Variants in SPOCK3 observed in about 807,000 individuals in gnomAD.
SPOCK3 encodes testican-3.
Under a neutral mutation model 56.6 loss-of-function variants are expected in SPOCK3, and 30 were observed. The observed-to-expected ratio is 0.53, with a 90% confidence interval of 0.40 to 0.72. The LOEUF (loss-of-function observed/expected upper bound fraction) is 0.72. SPOCK3 is among the 30% of genes least tolerant of loss of function. The pLI is 0.00. For missense variants in SPOCK3, 527 were observed against 530.0 expected (o/e 0.99, Z 0.06); for synonymous variants, 196 against 183.3 (o/e 1.07, Z -0.56).
intron 7 of SPOCK3, among the ~76,000 whole-genome samples, chr4:166,765,397 G>C (rs78750833): frequency 0.33 from 50,141 of 151,846 alleles, 8,441 homozygotes; most frequent in Admixed American, 0.42. Flanking sequence ...TTTCAGCTTT[G>C]TACATATGGC....
intron 4 of SPOCK3, among the ~76,000 whole-genome samples, chr4:166,952,277 T>A (rs369120241): frequency 1.3e-5 from 2 of 152,122 alleles, no homozygotes; most frequent in Non-Finnish European, 2.9e-5. Flanking sequence ...CAAGCATTCT[T>A]ATACACCAAT....
intron 2 of SPOCK3, among the ~76,000 whole-genome samples, chr4:167,082,287 A>C (rs550117755): frequency 2.6e-4 from 39 of 152,202 alleles, no homozygotes; most frequent in Admixed American, 7.2e-4. Context: ...AAAAAGTGTG[A>C]GCCTCAAACC....
At chr4:166,959,526 T>C (rs1197848727) in intron 4 of SPOCK3, among the ~76,000 whole-genome samples, 1 of 151,862 alleles carries the variant, frequency 6.6e-6, no homozygotes, top group Non-Finnish European at 1.5e-5. Flanking sequence ...GGCAGGAGAA[T>C]TGTTGAACCC....
intron 6 of SPOCK3, among the ~76,000 whole-genome samples, chr4:166,860,927 T>C (rs905237487): frequency 4.6e-5 from 7 of 150,944 alleles, no homozygotes; most frequent in Non-Finnish European, 1.0e-4. Context: ...CTGGGAACAC[T>C]ATAACGTCTG....
intron 6 of SPOCK3, among the ~76,000 whole-genome samples, chr4:166,797,233 CTTT>C (rs1028695610): frequency 3.7e-5 from 3 of 80,746 alleles, no homozygotes; most frequent in South Asian, 4.3e-4. Context: ...TTCCACCTTT[CTTT>C]TTTTTTTTTT....
At chr4:166,763,043 C>T (rs1737463011) in intron 7 of SPOCK3, among the ~76,000 whole-genome samples, 1 of 151,678 alleles carries the variant, frequency 6.6e-6, no homozygotes, top group Admixed American at 6.6e-5. Context: ...AATGCAGATA[C>T]ACAAAGTACA....
At chr4:167,204,762 T>G (rs1439377763) in intron 2 of SPOCK3, among the ~76,000 whole-genome samples, 1 of 151,988 alleles carries the variant, frequency 6.6e-6, no homozygotes, top group African/African-American at 2.4e-5. Context: ...AGTCACTGTT[T>G]TTTTTCGGGG....
intron 4 of SPOCK3, among the ~76,000 whole-genome samples, chr4:166,966,074 T>C (rs1482580476): frequency 6.6e-6 from 1 of 152,094 alleles, no homozygotes; most frequent in Non-Finnish European, 1.5e-5. Flanking sequence ...CAGAATGTCA[T>C]ATAGTTGGAA....
chr4:167,109,113 AATATATATAAATAT>A (rs1760544074), intron 2 of SPOCK3, among the ~76,000 whole-genome samples: 1 of 36,088 alleles, frequency 2.8e-5, no homozygotes, highest in African/African-American at 9.7e-5. Flanking sequence ...TTTATATAAA[AATATATATAAATAT>A]TATATATTTA....
chr4:166,940,353 G>A (rs550332620), intron 4 of SPOCK3, among the ~76,000 whole-genome samples: 2 of 152,154 alleles, frequency 1.3e-5, no homozygotes, highest in East Asian at 1.9e-4. Flanking sequence ...ACCGAAGTCC[G>A]CGACAGAGAA....
At chr4:166,992,228 G>T (rs1747868818) in intron 4 of SPOCK3, among the ~76,000 whole-genome samples, 1 of 152,056 alleles carries the variant, frequency 6.6e-6, no homozygotes, top group African/African-American at 2.4e-5. Flanking sequence ...GAACTGAGTG[G>T]TCTGCGGAGG....
At chr4:166,978,287 A>G (rs1237202558) in intron 4 of SPOCK3, among the ~76,000 whole-genome samples, 5 of 152,136 alleles carry the variant, frequency 3.3e-5, no homozygotes, top group Non-Finnish European at 7.4e-5. Flanking sequence ...CCTGATTAAG[A>G]CAAACTGGGA....
chr4:166,786,633 C>T (rs1429317947), intron 7 of SPOCK3, among the ~76,000 whole-genome samples: 1 of 152,150 alleles, frequency 6.6e-6, no homozygotes, highest in Non-Finnish European at 1.5e-5. Flanking sequence ...TAAAGACTAA[C>T]TTAAATATAA....
intron 4 of SPOCK3, among the ~76,000 whole-genome samples, chr4:166,991,714 T>C (rs1346952078): frequency 6.6e-6 from 1 of 152,028 alleles, no homozygotes; most frequent in Non-Finnish European, 1.5e-5. Context: ...AGTTGAAAAC[T>C]CAAAATTACT....
chr4:166,739,851 G>A (rs370936911), intron 9 of SPOCK3, among the ~76,000 whole-genome samples: 22 of 152,138 alleles, frequency 1.4e-4, no homozygotes, highest in African/African-American at 3.9e-4. Flanking sequence ...ATTGTTATAC[G>A]TAGATTAACT....
At chr4:167,208,166 C>G (rs934367850) in intron 2 of SPOCK3, among the ~76,000 whole-genome samples, 1 of 151,882 alleles carries the variant, frequency 6.6e-6, no homozygotes, top group African/African-American at 2.4e-5. Context: ...AGGTAGTTCC[C>G]TTAAAATATT....
chr4:166,743,839 T>A (rs1735199493), intron 8 of SPOCK3, among the ~76,000 whole-genome samples: 1 of 152,192 alleles, frequency 6.6e-6, no homozygotes. Flanking sequence ...CCCACGCCCA[T>A]GGAGCTTTGC....
intron 4 of SPOCK3, among the ~76,000 whole-genome samples, chr4:166,964,438 G>A (rs1350511964): frequency 6.6e-6 from 1 of 151,582 alleles, no homozygotes; most frequent in Non-Finnish European, 1.5e-5. Flanking sequence ...TATTTTCTAG[G>A]TCCTTAGAAA....
intron 6 of SPOCK3, among the ~76,000 whole-genome samples, chr4:166,870,313 C>CA (rs1338837624): frequency 2.0e-5 from 3 of 151,834 alleles, no homozygotes; most frequent in Admixed American, 6.6e-5. Context: ...TGATAAAGCA[C>CA]AAAAAAATTA....
Sources: gnomAD v4.1 joint callset for allele counts (sites outside exome capture counted in the v4.1 genomes callset) on GRCh38, gnomAD v4.1.1 for gene constraint, MANE v1.5 for transcripts, NCBI Gene and HGNC (gene_info 2026-07-23, HGNC 2026-07-21) for gene names.